The following SFI1 variants were observed in gnomAD, a reference collection of about 807,000 sequenced individuals.
The protein encoded by SFI1 is SFI1 centrin binding protein, also known as protein SFI1 homolog.
In SFI1, 195 loss-of-function variants were observed where a neutral mutation model predicts 207.5. The ratio of observed to expected loss-of-function variants is 0.94; its 90% CI spans 0.84 to 1.06. The LOEUF is 1.06. Ranked by LOEUF, SFI1 falls within the 50% of genes least tolerant of loss-of-function variation. The pLI, the probability that SFI1 is intolerant of heterozygous loss-of-function variation, is 0.00. For missense variants in SFI1, 1,634 were observed against 1,588.0 expected, an observed-to-expected ratio of 1.03 and a Z score of -0.49; for synonymous variants, 630 against 598.9, an observed-to-expected ratio of 1.05 and a Z score of -0.76.
intron 13 of SFI1, 53 bp from the exon 14 acceptor site, chr22:31,585,015 A>G: frequency 1.3e-6 from 2 of 1,567,022 alleles, no homozygotes; most frequent in South Asian, 2.2e-5. Flanking sequence ...TACCTGCCTT[A>G]AAACAAAGTT....
Position 31,604,322 on chromosome 22 carries a change from G to T in SFI1, c.1895G>T (p.Arg632Leu). Reference protein sequence around the residue: ...WSQWRECLALRGAERQKLMRA... With the variant: ...WSQWRECLALLGAERQKLMRA... ...CTCTGTCTGCAGTGCCTGGCCCTGC[G>T]GGGAGCGGAGCGGCAGAAGCTGATG... is the stretch of plus-strand genomic sequence containing the variant. Residue 632 changes from arginine to leucine, a missense_variant, in exon 19 of 33, where the codon CGG (arginine) becomes CTG (leucine). Transcript: ENST00000400288. The T allele has an allele frequency of 6.3e-7, 1 of 1,577,866 alleles. No individual in the cohort carries two copies. The highest frequency in any genetic ancestry group is 1.2e-5 in the South Asian group (1 of 86,250).
chr22:31,612,866 T>G lies in SFI1; in HGVS notation c.2491-276T>G, dbSNP rs2070608876. 3 of 473,752 alleles carry G rather than the reference T, an allele frequency of 6.3e-6. No homozygotes were observed. The South Asian group carries it at 9.4e-5, about 15-fold the overall frequency. 29.3% of individuals were successfully genotyped at this position (473,752 alleles called of 1,614,324 possible). Reference sequence around the variant, plus strand: ...GCTCCCTCTTCCCGTTCTGTTGTCCTGTTTTCACCATTCCCCGGACCTCAG... The same window carrying G: ...GCTCCCTCTTCCCGTTCTGTTGTCCGGTTTTCACCATTCCCCGGACCTCAG... On this transcript the variant is annotated intron_variant, in intron 24 of 32. Coordinates refer to ENST00000400288, the MANE Select transcript of SFI1 (RefSeq NM_001007467.3).
chr22:31,550,732 GCTCAAGTTGTCC>G (rs1472887351), intron 6 of SFI1: 3 of 172,630 alleles, frequency 1.7e-5, no homozygotes, highest in Non-Finnish European at 2.5e-5. Flanking sequence ...GATCTGCTTT[GCTCAAGTTGTCC>G]CTTAGTGATA....
At chr22:31,556,554 T>C (rs574429690) in intron 6 of SFI1, among the ~76,000 whole-genome samples, 133 of 152,296 alleles carry the variant, frequency 8.7e-4, no homozygotes, top group African/African-American at 3.0e-3. Context: ...TGAACCTCCA[T>C]GTATCCATTA....
At chr22:31,543,849 G>C (rs2059833077) in intron 4 of SFI1, among the ~76,000 whole-genome samples, 1 of 151,260 alleles carries the variant, frequency 6.6e-6, no homozygotes, top group Non-Finnish European at 1.5e-5. Flanking sequence ...GAGTGGGTTA[G>C]GAGGAGTGAC....
At chr22:31,616,456 G>T in intron 29 of SFI1, 1 of 366,438 alleles carries the variant, frequency 2.7e-6, no homozygotes, top group East Asian at 4.7e-5. Context: ...GTTGGGTAAG[G>T]CAAGGCTAGG....
chr22:31,534,026 A>T (rs2058752599), intron 4 of SFI1, among the ~76,000 whole-genome samples: 1 of 152,212 alleles, frequency 6.6e-6, no homozygotes, highest in East Asian at 1.9e-4. Context: ...CCCTCTTCCT[A>T]GATAAGACAG....
chr22:31,575,496 A>G, intron 10 of SFI1, 104 bp downstream of exon 10: 2 of 1,190,792 alleles, frequency 1.7e-6, no homozygotes, highest in Non-Finnish European at 2.3e-6. Context: ...ACAATTGCCA[A>G]ACGATTCAAA....
chr22:31,616,794 C>T lies in SFI1; in HGVS notation c.3350C>T (p.Ser1117Phe), dbSNP rs1452790898. 1.9e-6 allele frequency: 3 copies of T among 1,610,384 alleles called. No homozygotes were observed. The highest frequency in any genetic ancestry group is 2.5e-6 in the Non-Finnish European group (3 of 1,178,180). ...TPRDKPPVPS[S>F]LASVPDPHLL... ...AGGGATAAGCCCCCGGTCCCCTCAT[C>T]CCTGGCCAGTGTCCCTGACCCCCAT... Residue 1117 changes from serine to phenylalanine, a missense_variant, in exon 30 of 33, where the codon TCC (serine) becomes TTC (phenylalanine). Transcript: ENST00000400288.
chr22:31,517,563 C>T (rs2056700534), intron 2 of SFI1, among the ~76,000 whole-genome samples: 1 of 152,066 alleles, frequency 6.6e-6, no homozygotes, highest in Non-Finnish European at 1.5e-5. Context: ...TATTCTGTAT[C>T]ATCTTTAAGA....
intron 12 of SFI1, among the ~76,000 whole-genome samples, chr22:31,583,331 T>G (rs1406995300): frequency 1.3e-5 from 2 of 152,350 alleles, no homozygotes; most frequent in East Asian, 1.9e-4. Context: ...CAGGCTGGTC[T>G]CAAACTCCCA....
intron 11 of SFI1, among the ~76,000 whole-genome samples, chr22:31,579,317 A>G (rs970406461): frequency 2.4e-4 from 35 of 148,518 alleles, no homozygotes; most frequent in African/African-American, 8.2e-4. Context: ...CTAATTTTTT[A>G]GATTTTTTTT....
At chr22:31,570,751 C>T (rs557570820) in intron 8 of SFI1, among the ~76,000 whole-genome samples, 1 of 152,022 alleles carries the variant, frequency 6.6e-6, no homozygotes, top group Non-Finnish European at 1.5e-5. Flanking sequence ...TTAAAAAAAG[C>T]TACTAGGGTG....
chr22:31,538,276 T>A (rs1310831828), intron 4 of SFI1: 1 of 151,788 alleles, frequency 6.6e-6, no homozygotes, highest in African/African-American at 2.4e-5. Context: ...ACCTTTTTTT[T>A]TTTTTTTTAA....
intron 4 of SFI1, among the ~76,000 whole-genome samples, chr22:31,532,921 G>T (rs921187516): frequency 1.3e-5 from 2 of 152,212 alleles, no homozygotes; most frequent in African/African-American, 4.8e-5. Context: ...GGTTTAAGGT[G>T]TGGGGAAAGG....
intron 17 of SFI1, among the ~76,000 whole-genome samples, chr22:31,603,198 A>G (rs1273590667): frequency 2.6e-5 from 4 of 152,292 alleles, no homozygotes; most frequent in African/African-American, 9.6e-5. Flanking sequence ...GCACCGCTAC[A>G]CTCCAGCCTG....
chr22:31,588,021 C>T (rs1302842279), intron 14 of SFI1: 1 of 152,096 alleles, frequency 6.6e-6, no homozygotes, highest in Admixed American at 6.6e-5. Context: ...TAAAAAATCA[C>T]CCCAAACTCA....
At position 31,542,150 on chromosome 22, in the gene SFI1, A is replaced by G. The variant is rs536986519; in HGVS notation, c.339-4711A>G. ...TGTACAGTTTAGGAGCCAGTCTCCTATAATCTCTCCCCCACCCCCCGAGAG... is the reference window on the plus strand; with the variant it reads ...TGTACAGTTTAGGAGCCAGTCTCCTGTAATCTCTCCCCCACCCCCCGAGAG... On this transcript the variant is annotated intron_variant, in intron 4 of 32. Coordinates refer to ENST00000400288, the MANE Select transcript of SFI1 (RefSeq NM_001007467.3). Among the ~76,000 whole-genome samples the G allele has an allele frequency of 2.7e-5, 4 of 149,598 alleles. No individual in the cohort carries two copies. The East Asian group carries it at 7.9e-4, about 29-fold the overall frequency.
chr22:31,546,876 G>A lies in SFI1; in HGVS notation c.354G>A (p.Gln118=), dbSNP rs2060142655. 6.2e-7 allele frequency: 1 copy of A among 1,606,782 alleles called. No individual in the cohort carries two copies. Among genetic ancestry groups the A allele is most frequent in the Admixed American group, 1.7e-5 (1 of 59,024 alleles). ...TTTGCCGTAGATTTTACTATGAGCAGCGATTACTACGGAAGGTCTTCGAAG... is the reference window on the plus strand; with the variant it reads ...TTTGCCGTAGATTTTACTATGAGCAACGATTACTACGGAAGGTCTTCGAAG... ...FPSKARFYYE[Q]RLLRKVFEEW... is the part of the protein sequence containing the mutation. Residue 118 remains glutamine (Q), a synonymous_variant, in exon 5 of 33, where the codon CAG becomes CAA. Coordinates refer to ENST00000400288, the MANE Select transcript of SFI1 (RefSeq NM_001007467.3).
Sources: allele counts gnomAD v4.1 joint callset (sites outside exome capture counted in the v4.1 genomes callset), GRCh38; gene constraint gnomAD v4.1.1; transcripts MANE v1.5; gene names NCBI Gene and HGNC (gene_info 2026-07-23, HGNC 2026-07-21).